Variants in NTM observed in about 807,000 individuals in gnomAD.
NTM encodes the protein IgLON family member 2.
A neutral mutation model predicts 42.1 loss-of-function variants in NTM; 13 were observed. That is an observed-to-expected ratio of 0.31 (90% CI 0.20 to 0.49). NTM has a LOEUF of 0.49. Among genes scored for constraint, NTM ranks in the 20% least tolerant of loss-of-function variants. The pLI is 0.99. For missense variants in NTM, 373 were observed against 452.8 expected, an observed-to-expected ratio of 0.82 and a Z score of 1.60; for synonymous variants, 187 against 179.2, an observed-to-expected ratio of 1.04 and a Z score of -0.35.
intron 4 of NTM, among the ~76,000 whole-genome samples, chr11:132,229,532 AT>A (rs2087029629): frequency 6.6e-6 from 1 of 152,202 alleles, no homozygotes; most frequent in African/African-American, 2.4e-5. Flanking sequence ...ATATTTTCAT[AT>A]GTTCATTTGA....
At chr11:131,963,657 A>G (rs12790560) in intron 2 of NTM, among the ~76,000 whole-genome samples, 14,601 of 152,300 alleles carry the variant, frequency 0.096, 838 homozygotes, top group East Asian at 0.21. Flanking sequence ...GTAGGATAAC[A>G]TGCCAGGCTC....
At chr11:132,055,910 A>G (rs1793632) in intron 2 of NTM, among the ~76,000 whole-genome samples, 15,198 of 152,146 alleles carry the variant, frequency 0.1, 992 homozygotes, top group Non-Finnish European at 0.15. Flanking sequence ...TTAAGCATCT[A>G]GCACAGAACT....
intron 2 of NTM, among the ~76,000 whole-genome samples, chr11:131,977,577 C>G (rs2064597125): frequency 6.6e-6 from 1 of 152,168 alleles, no homozygotes; most frequent in Non-Finnish European, 1.5e-5. Context: ...CTAATTTACT[C>G]CTAATCCTGA....
At chr11:131,669,268 G>T (rs2069669875) in intron 1 of NTM, among the ~76,000 whole-genome samples, 1 of 152,214 alleles carries the variant, frequency 6.6e-6, no homozygotes, top group South Asian at 2.1e-4. Flanking sequence ...CAAAACCATG[G>T]AGGAAATAGA....
chr11:131,371,234 G>A (rs1055528862), intron 1 of NTM, among the ~76,000 whole-genome samples: 4 of 152,154 alleles, frequency 2.6e-5, no homozygotes, highest in Admixed American at 6.5e-5. Context: ...AGATTCGGAG[G>A]GCAACAGGGT....
chr11:131,373,320 TCTC>T (rs886270075), intron 1 of NTM, among the ~76,000 whole-genome samples: 1 of 152,122 alleles, frequency 6.6e-6, no homozygotes, highest in Non-Finnish European at 1.5e-5. Context: ...GATTTTTTCT[TCTC>T]CTCTGTTTTT....
chr11:131,451,878 T>A (rs1565514539), intron 1 of NTM, among the ~76,000 whole-genome samples: 2 of 152,052 alleles, frequency 1.3e-5, no homozygotes, highest in South Asian at 4.1e-4. Flanking sequence ...TACCAGGGCA[T>A]GAAGGCATCA....
chr11:131,797,141 T>C (rs1457962658), intron 1 of NTM, among the ~76,000 whole-genome samples: 3 of 152,238 alleles, frequency 2.0e-5, no homozygotes, highest in East Asian at 3.8e-4. Flanking sequence ...GAGTAATCTT[T>C]ACAGCAAGTA....
intron 1 of NTM, among the ~76,000 whole-genome samples, chr11:131,595,386 G>A (rs780920806): frequency 8.5e-5 from 13 of 152,196 alleles, no homozygotes; most frequent in Non-Finnish European, 1.9e-4. Flanking sequence ...AAAAGACCCT[G>A]AAATTACTGC....
chr11:131,805,441 A>G (rs1238677168), intron 1 of NTM, among the ~76,000 whole-genome samples: 1 of 152,100 alleles, frequency 6.6e-6, no homozygotes, highest in Middle Eastern at 3.2e-3. Flanking sequence ...TGTGTGTGTA[A>G]GTGTGTGAAC....
chr11:131,656,638 G>T (rs923092895), intron 1 of NTM, among the ~76,000 whole-genome samples: 1 of 152,180 alleles, frequency 6.6e-6, no homozygotes. Context: ...TCCGGTTCTG[G>T]TTTGGACAAA....
intron 1 of NTM, among the ~76,000 whole-genome samples, chr11:131,617,048 A>G (rs2062011411): frequency 6.6e-6 from 1 of 152,106 alleles, no homozygotes; most frequent in Admixed American, 6.5e-5. Context: ...GGGACACTGC[A>G]TTTTGTCAAA....
In NTM at chr11:132,137,718, G is replaced by A. The variant is rs183506088; in HGVS notation, c.168-8564G>A. ...GAAGGGATAAGGGGAAGAGGTCATG[G>A]CTGCCACCAGACTTTGATGGAGGGA... On this transcript the variant is annotated intron_variant, in intron 2 of 8. Transcript: ENST00000683400. 2.1e-4 allele frequency among the ~76,000 whole-genome samples: 32 copies of A among 152,236 alleles called. 1 individual carries two copies. Among genetic ancestry groups the A allele is most frequent in the African/African-American group, 6.7e-4 (28 of 41,554 alleles).
At chr11:131,952,920 C>G (rs1252072755) in intron 2 of NTM, among the ~76,000 whole-genome samples, 2 of 152,130 alleles carry the variant, frequency 1.3e-5, no homozygotes, top group East Asian at 1.9e-4. Context: ...AGGAAAGGCA[C>G]CTTAGAGACA....
chr11:131,391,785 A>G (rs1944044077), intron 1 of NTM, among the ~76,000 whole-genome samples: 2 of 152,132 alleles, frequency 1.3e-5, no homozygotes, highest in African/African-American at 4.8e-5. Flanking sequence ...AAAGTTAGTT[A>G]CCTAGTGCCA....
intron 1 of NTM, among the ~76,000 whole-genome samples, chr11:131,832,624 ATTG>A (rs777073180): frequency 6.6e-6 from 1 of 152,164 alleles, no homozygotes; most frequent in East Asian, 1.9e-4. Flanking sequence ...AGGGTCTGGC[ATTG>A]GGGTTCTTGG....
At chr11:132,257,483 G>A (rs1486965240) in intron 4 of NTM, among the ~76,000 whole-genome samples, 2 of 152,186 alleles carry the variant, frequency 1.3e-5, no homozygotes, top group Admixed American at 6.5e-5. Context: ...TGTCCATCCC[G>A]GGAAGCTGGA....
At chr11:131,476,517 C>T (rs986976719) in intron 1 of NTM, among the ~76,000 whole-genome samples, 4 of 152,090 alleles carry the variant, frequency 2.6e-5, no homozygotes, top group Admixed American at 6.5e-5. Flanking sequence ...GTCTTGGTTT[C>T]CTAATCAGTC....
chr11:132,018,377 CT>C (rs1430202023), intron 2 of NTM, among the ~76,000 whole-genome samples: 1 of 151,880 alleles, frequency 6.6e-6, no homozygotes, highest in Non-Finnish European at 1.5e-5. Flanking sequence ...TCTAAGGTAC[CT>C]TTTGTAGGAT....
Sources: gnomAD v4.1 joint callset for allele counts (sites outside exome capture counted in the v4.1 genomes callset) on GRCh38, gnomAD v4.1.1 for gene constraint, MANE v1.5 for transcripts, NCBI Gene and HGNC (gene_info 2026-07-23, HGNC 2026-07-21) for gene names.